The following SFTPB variants were observed in gnomAD, a reference collection of about 807,000 sequenced individuals.
The protein encoded by SFTPB is surfactant protein B.
In SFTPB, 32 loss-of-function variants were observed where a neutral mutation model predicts 51.0. The ratio of observed to expected loss-of-function variants is 0.63; its 90% CI spans 0.47 to 0.84. SFTPB has a LOEUF of 0.84. SFTPB is among the 40% of genes least tolerant of loss of function. SFTPB has a pLI of 0.00. For missense variants in SFTPB, 431 were observed against 491.2 expected (o/e 0.88, Z 1.16); for synonymous variants, 211 against 208.5 (o/e 1.01, Z -0.10).
chr2:85,667,970 T>C, intron 1 of SFTPB, 147 bp downstream of exon 1: 1 of 1,184,500 alleles, frequency 8.4e-7, no homozygotes, highest in South Asian at 1.4e-5. Flanking sequence ...CCGCCAGCTG[T>C]GTGACCTTGG....
At chr2:85,665,415 T>A (rs763042839) in intron 5 of SFTPB, 37 bp from the exon 6 acceptor site, 1 of 1,566,238 alleles carries the variant, frequency 6.4e-7, no homozygotes, top group South Asian at 1.1e-5. Context: ...GGCTGGGTGC[T>A]GGGAGAAGAG....
At chr2:85,660,041 G>A (rs2104389161) in intron 10 of SFTPB, among the ~76,000 whole-genome samples, 1 of 152,186 alleles carries the variant, frequency 6.6e-6, no homozygotes, top group South Asian at 2.1e-4. Flanking sequence ...GGAAGAAGTG[G>A]ACTTGGCTGT....
At chr2:85,664,679 C>T (rs1180112169) in intron 6 of SFTPB, among the ~76,000 whole-genome samples, 1 of 152,216 alleles carries the variant, frequency 6.6e-6, no homozygotes, top group Admixed American at 6.5e-5. Flanking sequence ...CCAAGCTGGT[C>T]TTGAACTCCT....
rs775855148 is a variant in SFTPB at position 85,666,600 on chromosome 2, G to A, written c.393+17C>T. ...CTGCGTGGGGAGGCAGGCAGGAGGTGAGCTTGCAGCCCTCACAGTCTGGTT... is the reference window on the plus strand; with the variant it reads ...CTGCGTGGGGAGGCAGGCAGGAGGTAAGCTTGCAGCCCTCACAGTCTGGTT... On this transcript the variant is annotated intron_variant, in intron 4 of 10. Transcript: ENST00000519937. 1.2e-6 allele frequency: 2 copies of A among 1,612,976 alleles called. No individual in the cohort carries two copies. Among genetic ancestry groups the A allele is most frequent in the South Asian group, 1.1e-5 (1 of 90,984 alleles).
At chr2:85,662,291 G>A in intron 8 of SFTPB, 182 bp from the exon 9 acceptor site, 1 of 1,454,362 alleles carries the variant, frequency 6.9e-7, no homozygotes, top group South Asian at 1.4e-5. Context: ...TGAAATGGAG[G>A]ACTTCCATCA....
Position 85,663,434 on chromosome 2 carries a change from ACG to A in SFTPB, c.912_913del (p.Val305AspfsTer91). On this transcript the variant is annotated frameshift_variant, in exon 8 of 11. Coordinates refer to ENST00000519937, the MANE Select transcript of SFTPB (RefSeq NM_000542.5). LOFTEE classifies it high-confidence loss of function. ...GCTGCTGTTCCCGGCCTGGGTGGTC[ACG>A]GACATGCAGAGGTGGCACTCAGAGT... 2.5e-6 allele frequency: 4 copies of A among 1,614,018 alleles called. No individual in the cohort carries two copies. The highest frequency in any genetic ancestry group is 3.4e-6 in the Non-Finnish European group (4 of 1,180,036).
intron 4 of SFTPB, 131 bp downstream of exon 4, chr2:85,666,486 T>TG: frequency 1.1e-6 from 1 of 887,550 alleles, no homozygotes. Context: ...TCTGGCCGGC[T>TG]TGGGTGCTGT....
In SFTPB at chr2:85,663,692, C is replaced by T; in HGVS notation, c.828G>A (p.Arg276=). Residue 276 remains arginine, a synonymous_variant, in exon 7 of 11, where the codon CGG becomes CGA. Transcript: ENST00000519937. ...GGCCAGCGCTGTCATCCATGGAGCA[C>T]CGGAGGACGAGGCGGCAGACCAGCT... ...LPQLVCRLVL[R]CSMDDSAGPR... is the part of the protein sequence containing the mutation. 6.2e-7 allele frequency: 1 copy of T among 1,612,750 alleles called. No homozygotes were observed. Among genetic ancestry groups the T allele is most frequent in the Non-Finnish European group, 8.5e-7 (1 of 1,179,568 alleles).
At chr2:85,666,471 T>TG (rs1677631013) in intron 4 of SFTPB, 146 bp downstream of exon 4, 16 of 622,912 alleles carry the variant, frequency 2.6e-5, no homozygotes, top group South Asian at 5.5e-5. Context: ...TGCTGTGTGT[T>TG]TGTGTCTGGC....
intron 6 of SFTPB, among the ~76,000 whole-genome samples, chr2:85,664,334 C>T (rs899510848): frequency 9.2e-5 from 14 of 152,156 alleles, no homozygotes; most frequent in Admixed American, 5.2e-4. Context: ...TTGGAGTCCT[C>T]CCTGGTCCTC....
In SFTPB at chr2:85,661,526, C is replaced by T. The variant is rs1237556659; in HGVS notation, c.1093G>A (p.Val365Met). Reference protein sequence around the residue: ...DAHTTCQALGVCGTMSSPLQC... With the variant: ...DAHTTCQALGMCGTMSSPLQC... ...AGAGGGCTGGACATGGTCCCACACA[C>T]CCCGAGGGCCTGTCACAGGGACAGC... is the stretch of plus-strand genomic sequence containing the variant. Residue 365 changes from valine (V) to methionine (M), a missense_variant, in exon 10 of 11, where the codon GTG becomes ATG. Val to Met is a conservative substitution (Grantham distance 21). Coordinates refer to ENST00000519937, the MANE Select transcript of SFTPB (RefSeq NM_000542.5). 1 of 1,611,212 alleles carries T rather than the reference C, an allele frequency of 6.2e-7. No homozygotes were observed. Among genetic ancestry groups the T allele is most frequent in the East Asian group, 2.2e-5 (1 of 44,814 alleles).
intron 5 of SFTPB, 78 bp downstream of exon 5, chr2:85,665,528 G>GGCCCAGT (rs1328036658): frequency 2.6e-6 from 4 of 1,535,242 alleles, no homozygotes; most frequent in Non-Finnish European, 3.6e-6. Context: ...CCTCTCCCAG[G>GGCCCAGT]GCCCAGTGCC....
chr2:85,665,141 G>A (rs1236009674), intron 6 of SFTPB, 148 bp downstream of exon 6: 4 of 743,514 alleles, frequency 5.4e-6, no homozygotes, highest in African/African-American at 1.7e-5. Flanking sequence ...CCCTGGGTGG[G>A]GGCAATGCAC....
intron 4 of SFTPB, 38 bp downstream of exon 4, chr2:85,666,579 G>A (rs748308447): frequency 2.8e-5 from 45 of 1,609,300 alleles, no homozygotes; most frequent in Admixed American, 1.8e-4. Flanking sequence ...AGGGGCCTGC[G>A]TGGGGAGGCA....
intron 8 of SFTPB, 102 bp from the exon 9 acceptor site, chr2:85,662,211 C>T: frequency 1.9e-6 from 3 of 1,540,796 alleles, no homozygotes; most frequent in Non-Finnish European, 2.6e-6. Flanking sequence ...GGGCTCCCTC[C>T]CGACTCCTCC....
intron 1 of SFTPB, 57 bp downstream of exon 1, chr2:85,668,060 G>C: frequency 1.4e-6 from 2 of 1,386,128 alleles, no homozygotes; most frequent in South Asian, 2.5e-5. Context: ...CTAGCACAAA[G>C]CAGTGCTCAG....
At chr2:85,666,545 G>T in intron 4 of SFTPB, 72 bp downstream of exon 4, 1 of 1,537,128 alleles carries the variant, frequency 6.5e-7, no homozygotes, top group Non-Finnish European at 8.9e-7. Flanking sequence ...GGTGCTGTGT[G>T]TGTGGCTCCC....
intron 6 of SFTPB, 21 bp downstream of exon 6, chr2:85,665,268 G>T: frequency 6.3e-7 from 1 of 1,583,546 alleles, no homozygotes; most frequent in Non-Finnish European, 8.7e-7. Context: ...CCTGGGCTCT[G>T]TGAGGCCCTG....
chr2:85,662,289 A>AGGAC (rs1677345612), intron 8 of SFTPB, 180 bp from the exon 9 acceptor site: 1 of 1,457,790 alleles, frequency 6.9e-7, no homozygotes, highest in African/African-American at 1.4e-5. Flanking sequence ...GCTGAAATGG[A>AGGAC]GGACTTCCAT....
Sources: allele counts gnomAD v4.1 joint callset (sites outside exome capture counted in the v4.1 genomes callset), GRCh38; gene constraint gnomAD v4.1.1; transcripts MANE v1.5; gene names NCBI Gene and HGNC (gene_info 2026-07-23, HGNC 2026-07-21).